The following CCDC192 variants were observed in gnomAD, a reference collection of about 807,000 sequenced individuals.
CCDC192 encodes coiled-coil domain containing 192.
chr5:127,893,624 A>G (rs1752790899), intron 6 of CCDC192, among the ~76,000 whole-genome samples: 1 of 152,220 alleles, frequency 6.6e-6, no homozygotes, highest in African/African-American at 2.4e-5. Context: ...TAAAATGCCA[A>G]CTGGAACTTA....
intron 2 of CCDC192, among the ~76,000 whole-genome samples, chr5:127,741,040 A>AT (rs550387148): frequency 3.0e-4 from 46 of 151,838 alleles, no homozygotes; most frequent in African/African-American, 7.5e-4. Context: ...AAACAAATAG[A>AT]TTTTTTTTTA....
intron 3 of CCDC192, among the ~76,000 whole-genome samples, chr5:127,760,097 T>C (rs1305993510): frequency 6.6e-6 from 1 of 152,064 alleles, no homozygotes; most frequent in Non-Finnish European, 1.5e-5. Flanking sequence ...GAGAAAACTT[T>C]TTAAAGTTCA....
intron 1 of CCDC192, among the ~76,000 whole-genome samples, chr5:127,704,317 T>C (rs1179069405): frequency 1.3e-5 from 2 of 152,146 alleles, no homozygotes; most frequent in African/African-American, 4.8e-5. Flanking sequence ...GCCTCCTGAG[T>C]AGCTGGGATT....
In CCDC192 at chr5:127,805,348, G is replaced by T. The variant is rs982397772; in HGVS notation, c.411+7186G>T. On this transcript the variant is annotated intron_variant, in intron 5 of 6. Coordinates refer to ENST00000514853, the MANE Select transcript of CCDC192 (RefSeq NM_001317938.2). Reference sequence around the variant, plus strand: ...AATCCCTGCTCACAGCAAATAGCTGGTATGTAGCACAGCAGACTTGCGTGT... The same window carrying T: ...AATCCCTGCTCACAGCAAATAGCTGTTATGTAGCACAGCAGACTTGCGTGT... Among the ~76,000 whole-genome samples the T allele has an allele frequency of 3.3e-5, 5 of 152,144 alleles. No individual in the cohort carries two copies. The East Asian group carries it at 9.6e-4, about 29-fold the overall frequency.
chr5:127,744,870 A>C (rs1157016214), intron 2 of CCDC192, among the ~76,000 whole-genome samples: 1 of 152,218 alleles, frequency 6.6e-6, no homozygotes, highest in African/African-American at 2.4e-5. Flanking sequence ...TCTTAAAACA[A>C]CCGTTCCATC....
At chr5:127,749,704 T>G (rs1178226038) in intron 2 of CCDC192, among the ~76,000 whole-genome samples, 10 of 152,194 alleles carry the variant, frequency 6.6e-5, no homozygotes, top group Admixed American at 2.0e-4. Context: ...GTTCCTCCTT[T>G]TACCTATGGT....
At chr5:127,904,149 G>A (rs1247294453) in intron 6 of CCDC192, among the ~76,000 whole-genome samples, 1 of 152,190 alleles carries the variant, frequency 6.6e-6, no homozygotes, top group African/African-American at 2.4e-5. Context: ...TGTCTTTGAG[G>A]ATAGAGAAAG....
At chr5:127,712,444 T>G (rs1447758308) in intron 2 of CCDC192, among the ~76,000 whole-genome samples, 1 of 152,216 alleles carries the variant, frequency 6.6e-6, no homozygotes, top group Non-Finnish European at 1.5e-5. Flanking sequence ...TCTCCTTGCT[T>G]CTTCTCTCAC....
intron 5 of CCDC192, among the ~76,000 whole-genome samples, chr5:127,824,553 G>A (rs1749435807): frequency 6.6e-6 from 1 of 152,172 alleles, no homozygotes; most frequent in Non-Finnish European, 1.5e-5. Context: ...ACTGAATGGA[G>A]TGCTTTCTGA....
chr5:127,736,909 T>A (rs1239933514), intron 2 of CCDC192, among the ~76,000 whole-genome samples: 1 of 74,540 alleles, frequency 1.3e-5, no homozygotes, highest in Non-Finnish European at 3.3e-5. Flanking sequence ...TTTTGAAGGG[T>A]TTTTTGTGTC....
intron 2 of CCDC192, among the ~76,000 whole-genome samples, chr5:127,726,911 T>C (rs961766035): frequency 2.0e-5 from 3 of 152,194 alleles, no homozygotes; most frequent in Non-Finnish European, 4.4e-5. Flanking sequence ...AGTGCTTCAG[T>C]AAGCAAGTCT....
At chr5:127,776,393 G>A (rs547536231) in intron 3 of CCDC192, among the ~76,000 whole-genome samples, 102 of 152,274 alleles carry the variant, frequency 6.7e-4, no homozygotes, top group African/African-American at 2.3e-3. Flanking sequence ...ATTTCTAAGC[G>A]GCAAAGTGTT....
intron 5 of CCDC192, among the ~76,000 whole-genome samples, chr5:127,817,686 A>C (rs2127012869): frequency 6.6e-6 from 1 of 152,214 alleles, no homozygotes; most frequent in Non-Finnish European, 1.5e-5. Flanking sequence ...AATGTTCTGG[A>C]CTCCGTAGTG....
At chr5:127,818,131 T>C (rs1437642192) in intron 5 of CCDC192, among the ~76,000 whole-genome samples, 1 of 151,936 alleles carries the variant, frequency 6.6e-6, no homozygotes, top group East Asian at 1.9e-4. Flanking sequence ...TTAATCAACA[T>C]GATATTTACA....
At chr5:127,740,754 C>T (rs1384970866) in intron 2 of CCDC192, among the ~76,000 whole-genome samples, 2 of 152,078 alleles carry the variant, frequency 1.3e-5, no homozygotes, top group African/African-American at 4.8e-5. Context: ...TTTTGAAAAG[C>T]CACAATCAAC....
intron 6 of CCDC192, among the ~76,000 whole-genome samples, chr5:127,888,117 G>A (rs1320802469): frequency 6.6e-6 from 1 of 151,718 alleles, no homozygotes; most frequent in Non-Finnish European, 1.5e-5. Context: ...CGTATTGTTA[G>A]ATCTAAAAGT....
At chr5:127,705,890 G>A (rs1750929146) in intron 1 of CCDC192, among the ~76,000 whole-genome samples, 1 of 152,030 alleles carries the variant, frequency 6.6e-6, no homozygotes. Context: ...GCCATTTTTT[G>A]GTTTGTCCAG....
chr5:127,718,471 G>A (rs1751767473), intron 2 of CCDC192, among the ~76,000 whole-genome samples: 1 of 143,980 alleles, frequency 6.9e-6, no homozygotes, highest in South Asian at 2.4e-4. Flanking sequence ...GGCATAATTT[G>A]AGGAAAGCAT....
At chr5:127,912,604 C>G (rs1753406987) in intron 6 of CCDC192, among the ~76,000 whole-genome samples, 1 of 152,042 alleles carries the variant, frequency 6.6e-6, no homozygotes, top group African/African-American at 2.4e-5. Flanking sequence ...AGGGAGGCAG[C>G]CTCTTATCAG....
Sources: allele counts gnomAD v4.1 joint callset (sites outside exome capture counted in the v4.1 genomes callset), GRCh38; gene constraint gnomAD v4.1.1; transcripts MANE v1.5; gene names NCBI Gene and HGNC (gene_info 2026-07-23, HGNC 2026-07-21).